KLRF2: variants seen among roughly 807,000 people sequenced by gnomAD.
KLRF2 encodes killer cell lectin like receptor F2, also known as killer cell lectin-like receptor subfamily F member 2.
KLRF2 carries 28 observed loss-of-function variants against 25.3 expected under a neutral mutation model. The observed-to-expected ratio is 1.11, with a 90% CI of 0.82 to 1.52. The LOEUF (loss-of-function observed/expected upper bound fraction) is 1.52, where lower values mean the gene tolerates loss of function less well. Ranked by LOEUF, KLRF2 falls within the 40% of genes most tolerant of loss-of-function variation. KLRF2 has a pLI of 0.00. For synonymous variants in KLRF2, 73 were observed against 85.0 expected (o/e 0.86, Z 0.78); for missense variants, 265 against 245.8 (o/e 1.08, Z -0.52).
intron 1 of KLRF2, among the ~76,000 whole-genome samples, 167 bp from the exon 2 acceptor site, chr12:9,884,767 T>A (rs1316558703): frequency 1.3e-5 from 2 of 151,418 alleles, no homozygotes; most frequent in African/African-American, 4.8e-5. Flanking sequence ...ATAATAGTAG[T>A]ATCTCCTTGG....
chr12:9,893,383 A>T (rs1287096341), intron 4 of KLRF2, 46 bp from the exon 5 acceptor site: 15 of 1,020,178 alleles, frequency 1.5e-5, no homozygotes, highest in South Asian at 1.1e-4. Context: ...AGGCATCAAA[A>T]TTTTTTTAAA....
At chr12:9,894,212 T>G (rs1443329207) in intron 5 of KLRF2, among the ~76,000 whole-genome samples, 1 of 149,880 alleles carries the variant, frequency 6.7e-6, no homozygotes, top group East Asian at 2.0e-4. Flanking sequence ...AGCAGAGCCT[T>G]GCTCTGTGGC....
rs566195298 is a variant in KLRF2 at position 9,887,511 on chromosome 12, T to C, written c.170-1222T>C. Among the ~76,000 whole-genome samples, 12 of 152,310 alleles carry C rather than the reference T, an allele frequency of 7.9e-5. No homozygotes were observed. The East Asian group carries it at 2.3e-3, about 29-fold the overall frequency. ...GTAATCAAGTAAATATTTTTTCCAT[T>C]CATTGTTTTGGAATAACAACAGCAA... On this transcript the variant is annotated intron_variant, in intron 2 of 5. Coordinates refer to ENST00000535540, the MANE Select transcript of KLRF2 (RefSeq NM_001190765.1).
chr12:9,881,880 C>T (rs1484596696), intron 1 of KLRF2, among the ~76,000 whole-genome samples: 2 of 152,002 alleles, frequency 1.3e-5, no homozygotes, highest in East Asian at 1.9e-4. Context: ...GCGAATATGA[C>T]GATGTGTAAT....
intron 1 of KLRF2, among the ~76,000 whole-genome samples, chr12:9,882,378 C>G (rs1868103812): frequency 2.0e-5 from 3 of 152,300 alleles, no homozygotes; most frequent in African/African-American, 7.2e-5. Context: ...TTGTTATTAT[C>G]TGAAGACTCA....
At position 9,890,771 on chromosome 12, in the gene KLRF2, A is replaced by T. The variant is rs544723550; in HGVS notation, c.217+1991A>T. The stretch of plus-strand genomic sequence containing the variant: ...CTAACATAACCTAATCATGCAAGTG[A>T]TATTTCGTCATATTCACAGGTCTTA... On this transcript the variant is annotated intron_variant, in intron 3 of 5. Coordinates refer to ENST00000535540, the MANE Select transcript of KLRF2 (RefSeq NM_001190765.1). 2.0e-5 allele frequency among the ~76,000 whole-genome samples: 3 copies of T among 152,300 alleles called. No individual in the cohort carries two copies. The East Asian group carries it at 5.8e-4, about 29-fold the overall frequency.
At chr12:9,885,958 A>G (rs1862593278) in intron 2 of KLRF2, among the ~76,000 whole-genome samples, 1 of 152,120 alleles carries the variant, frequency 6.6e-6, no homozygotes, top group African/African-American at 2.4e-5. Context: ...AAATGTTCCT[A>G]AAATTCAGGA....
At chr12:9,884,192 C>A (rs1049903568) in intron 1 of KLRF2, among the ~76,000 whole-genome samples, 1 of 151,958 alleles carries the variant, frequency 6.6e-6, no homozygotes, top group African/African-American at 2.4e-5. Flanking sequence ...ATTATACATG[C>A]CCCTGTTTAA....
At chr12:9,891,470 G>A (rs1225858575) in intron 3 of KLRF2, among the ~76,000 whole-genome samples, 5 of 152,024 alleles carry the variant, frequency 3.3e-5, no homozygotes, top group Non-Finnish European at 7.4e-5. Flanking sequence ...CACTCCAGTG[G>A]TACTTCATTG....
At chr12:9,881,931 G>C (rs1171716413) in intron 1 of KLRF2, among the ~76,000 whole-genome samples, 1 of 151,992 alleles carries the variant, frequency 6.6e-6, no homozygotes, top group African/African-American at 2.4e-5. Context: ...TCGAAGAAAA[G>C]GCTGAAAAAT....
intron 4 of KLRF2, 97 bp from the exon 5 acceptor site, chr12:9,893,332 A>T (rs1565523725): frequency 1.2e-6 from 1 of 827,384 alleles, no homozygotes; most frequent in Non-Finnish European, 1.8e-6. Context: ...ATATGAAAAA[A>T]TATATTTTAT....
At chr12:9,887,501 T>G (rs1862612365) in intron 2 of KLRF2, among the ~76,000 whole-genome samples, 1 of 152,152 alleles carries the variant, frequency 6.6e-6, no homozygotes, top group Non-Finnish European at 1.5e-5. Flanking sequence ...CAAGTAAATA[T>G]TTTTTCCATT....
At chr12:9,888,287 G>A (rs924547857) in intron 2 of KLRF2, among the ~76,000 whole-genome samples, 3 of 151,542 alleles carry the variant, frequency 2.0e-5, no homozygotes, top group Admixed American at 6.6e-5. Context: ...TCAGGAGATC[G>A]AGACCATCCT....
chr12:9,884,747 A>G (rs1868131774), intron 1 of KLRF2, among the ~76,000 whole-genome samples, 187 bp from the exon 2 acceptor site: 1 of 151,314 alleles, frequency 6.6e-6, no homozygotes, highest in African/African-American at 2.4e-5. Context: ...AGTACAATCC[A>G]AAACGTTTAA....
At chr12:9,892,912 A>G (rs1005206692) in intron 3 of KLRF2, 108 bp from the exon 4 acceptor site, 1 of 1,068,004 alleles carries the variant, frequency 9.4e-7, no homozygotes, top group Non-Finnish European at 1.3e-6. Context: ...CCAAAAAAAA[A>G]AAAATGAGTT....
intron 4 of KLRF2, 23 bp from the exon 5 acceptor site, chr12:9,893,406 T>A: frequency 9.0e-7 from 1 of 1,110,230 alleles, no homozygotes; most frequent in Non-Finnish European, 1.3e-6. Flanking sequence ...AATGAATGAA[T>A]AAATGCACTA....
Position 9,895,800 on chromosome 12 carries a change from G to A in KLRF2, c.591G>A (p.Ala197=), listed in dbSNP as rs956975056. The change falls in exon 6 of 6, where the codon GCG becomes GCA. Residue 197 remains alanine, a synonymous_variant. Coordinates refer to ENST00000535540, the MANE Select transcript of KLRF2 (RefSeq NM_001190765.1). The stretch of plus-strand genomic sequence containing the variant: ...TTAAGGGCATTTGCCAGAGAGATGC[G>A]ATCTTGACGCACAATGGAACCAGTG... ...STFKGICQRD[A]ILTHNGTSGV 7.2e-6 allele frequency: 11 copies of A among 1,535,164 alleles called. No individual in the cohort carries two copies. In the African/African-American group the frequency reaches 9.6e-5, roughly 13 times the overall value.
At chr12:9,884,338 C>T (rs1208169681) in intron 1 of KLRF2, among the ~76,000 whole-genome samples, 1 of 151,878 alleles carries the variant, frequency 6.6e-6, no homozygotes, top group Non-Finnish European at 1.5e-5. Context: ...CTGAAACTGA[C>T]TCCTGTCTAA....
intron 3 of KLRF2, 128 bp from the exon 4 acceptor site, chr12:9,892,892 T>C (rs1862697178): frequency 3.7e-6 from 3 of 801,428 alleles, no homozygotes; most frequent in Non-Finnish European, 5.5e-6. Context: ...TCTGAACTCC[T>C]TTTTATTGAC....
Sources: gnomAD v4.1 joint callset for allele counts (sites outside exome capture counted in the v4.1 genomes callset) on GRCh38, gnomAD v4.1.1 for gene constraint, MANE v1.5 for transcripts, NCBI Gene and HGNC (gene_info 2026-07-23, HGNC 2026-07-21) for gene names.